The following SYT17 variants were observed in gnomAD, a reference collection of about 807,000 sequenced individuals.
SYT17 encodes synaptotagmin-17.
A neutral mutation model predicts 46.7 loss-of-function variants in SYT17; 22 were observed. The ratio of observed to expected loss-of-function variants is 0.47; its 90% confidence interval spans 0.34 to 0.67. The LOEUF is 0.67. Ranked by LOEUF, SYT17 falls within the 30% of genes least tolerant of loss-of-function variation. The pLI, the probability that SYT17 is intolerant of heterozygous loss-of-function variation, is 0.01. For missense variants in SYT17, 519 were observed against 612.8 expected (o/e 0.85, Z 1.62); for synonymous variants, 251 against 248.4 (o/e 1.01, Z -0.10).
chr16:19,241,247 C>T (rs1268605703), intron 7 of SYT17, among the ~76,000 whole-genome samples: 1 of 152,006 alleles, frequency 6.6e-6, no homozygotes, highest in Non-Finnish European at 1.5e-5. Flanking sequence ...GCGCCCGGCC[C>T]CCTAGGCTCA....
intron 7 of SYT17, among the ~76,000 whole-genome samples, chr16:19,241,141 G>T (rs1220363322): frequency 1.3e-5 from 2 of 151,566 alleles, no homozygotes; most frequent in African/African-American, 4.9e-5. Flanking sequence ...TAGAGACGGG[G>T]TTTCACCGTT....
intron 5 of SYT17, among the ~76,000 whole-genome samples, chr16:19,190,691 A>G (rs1031018605): frequency 3.1e-4 from 47 of 152,136 alleles, no homozygotes; most frequent in Admixed American, 5.2e-4. Flanking sequence ...CACTCAGGAT[A>G]ATGTCTTCAA....
At chr16:19,172,519 A>G (rs1294267492) in intron 1 of SYT17, 12 of 1,493,912 alleles carry the variant, frequency 8.0e-6, no homozygotes, top group Non-Finnish European at 1.1e-5. Flanking sequence ...AAAGTTTCCC[A>G]TTTATTTGGT....
chr16:19,168,538 G>T lies in SYT17; in HGVS notation c.-109G>T, dbSNP rs1963953490. On this transcript the variant is annotated 5_prime_UTR_variant, in exon 1 of 8. Transcript: ENST00000355377. This position sits in a 1 kb window ranked among gnomAD's most constrained non-coding sequence, Gnocchi z 6.9. ...CCAGTCACGTCTGGGGCCACCGGCTGCCTTTTTCTTCCTTTCCCCCTTTGC... is the reference window on the plus strand; with the variant it reads ...CCAGTCACGTCTGGGGCCACCGGCTTCCTTTTTCTTCCTTTCCCCCTTTGC... The T allele has an allele frequency of 6.1e-6, 9 of 1,484,842 alleles. No individual in the cohort carries two copies. Among genetic ancestry groups the T allele is most frequent in the Non-Finnish European group, 8.2e-6 (9 of 1,094,796 alleles). The allele number at this position is 1,484,842 out of a possible 1,614,324, so 92.0% of individuals were successfully genotyped here.
Position 19,180,590 on chromosome 16 carries a change from C to A in SYT17, c.331+51C>A, listed in dbSNP as rs759584299. 3.1e-6 allele frequency: 5 copies of A among 1,607,642 alleles called. No homozygotes were observed. In the South Asian group the frequency reaches 5.5e-5, roughly 18 times the overall value. ...GGGGGCCCTGGCTGGCTTTCCCAGA[C>A]ACTCTCCCACGGAGAGTCATGAAGG... On this transcript the variant is annotated intron_variant, in intron 4 of 7. Coordinates refer to ENST00000355377, the MANE Select transcript of SYT17 (RefSeq NM_016524.4).
At chr16:19,174,234 C>G (rs554364840) in intron 3 of SYT17, among the ~76,000 whole-genome samples, 6 of 152,204 alleles carry the variant, frequency 3.9e-5, no homozygotes, top group Non-Finnish European at 8.8e-5. Flanking sequence ...ATCTGCCAGT[C>G]GCTCAGATAT....
Position 19,261,386 on chromosome 16 carries a change from A to G in SYT17, c.1229-5494A>G, listed in dbSNP as rs568525255. Among the ~76,000 whole-genome samples the G allele has an allele frequency of 4.6e-5, 7 of 152,348 alleles. No homozygotes were observed. The South Asian group carries it at 1.4e-3, about 32-fold the overall frequency. On this transcript the variant is annotated intron_variant, in intron 7 of 7. Transcript: ENST00000355377. ...ATGGCCATGGCAGGAACTGCCTCCCATCAGAAAGGCTGAATCACTCAAGCG... is the reference window on the plus strand; with the variant it reads ...ATGGCCATGGCAGGAACTGCCTCCCGTCAGAAAGGCTGAATCACTCAAGCG...
At chr16:19,172,450 C>T in intron 1 of SYT17, 5 of 1,444,180 alleles carry the variant, frequency 3.5e-6, no homozygotes, top group Non-Finnish European at 4.5e-6. Context: ...GATAGCATGA[C>T]TATCTATCCG....
At chr16:19,172,244 G>T in intron 1 of SYT17, 1 of 894,546 alleles carries the variant, frequency 1.1e-6, no homozygotes, top group Non-Finnish European at 1.4e-6. Flanking sequence ...CCCTCTATTT[G>T]TGGGTGGTGA....
chr16:19,223,121 T>C lies in SYT17; in HGVS notation c.1028T>C (p.Ile343Thr), dbSNP rs758001613. ...GCTGGCAGACTGAATGTTGATGTCA[T>C]TCGAGCCAAGCAACTTCTTCAGACA... ...PSAGRLNVDV[I>T]RAKQLLQTDV... The change falls in exon 6 of 8, where the codon ATT (isoleucine) becomes ACT (threonine). Residue 343 changes from isoleucine (I) to threonine (T), a missense_variant. Transcript: ENST00000355377. 3 of 1,613,998 alleles carry C rather than the reference T, an allele frequency of 1.9e-6. No individual in the cohort carries two copies. The highest frequency in any genetic ancestry group is 2.5e-6 in the Non-Finnish European group (3 of 1,179,902).
intron 5 of SYT17, 115 bp from the exon 6 acceptor site, chr16:19,222,930 A>G (rs1966375580): frequency 7.1e-7 from 1 of 1,402,672 alleles, no homozygotes; most frequent in African/African-American, 1.4e-5. Flanking sequence ...TCCCACTGTC[A>G]ACTGATGCGC....
chr16:19,178,929 A>G (rs1270643629), intron 3 of SYT17, among the ~76,000 whole-genome samples: 2 of 151,972 alleles, frequency 1.3e-5, no homozygotes, highest in Non-Finnish European at 1.5e-5. Context: ...GCATGGAGGC[A>G]TGCATCTATA....
At chr16:19,240,165 T>C (rs1046935578) in intron 7 of SYT17, among the ~76,000 whole-genome samples, 1 of 152,158 alleles carries the variant, frequency 6.6e-6, no homozygotes, top group Non-Finnish European at 1.5e-5. Flanking sequence ...TTGCCTGTAG[T>C]GTGGCAAACA....
At chr16:19,231,416 C>T (rs1966677646) in intron 7 of SYT17, among the ~76,000 whole-genome samples, 1 of 134,108 alleles carries the variant, frequency 7.5e-6, no homozygotes, top group Non-Finnish European at 1.5e-5. Context: ...ACTAAAAATA[C>T]AAAAATTAGC....
chr16:19,195,601 A>G (rs1255574024), intron 5 of SYT17, among the ~76,000 whole-genome samples: 2 of 152,000 alleles, frequency 1.3e-5, no homozygotes, highest in African/African-American at 2.4e-5. Flanking sequence ...CTCTAATCCT[A>G]CCTAGCTACT....
chr16:19,210,241 T>C (rs1965844841), intron 5 of SYT17, among the ~76,000 whole-genome samples: 1 of 152,102 alleles, frequency 6.6e-6, no homozygotes, highest in African/African-American at 2.4e-5. Context: ...CATTTATTAT[T>C]ATTATTTTTT....
chr16:19,184,341 C>T (rs760346338), intron 5 of SYT17, among the ~76,000 whole-genome samples, 194 bp downstream of exon 5: 7 of 151,868 alleles, frequency 4.6e-5, no homozygotes, highest in Non-Finnish European at 5.9e-5. Flanking sequence ...TAGCATCTTA[C>T]GCAACCAGGA....
chr16:19,187,638 A>G (rs1181797768), intron 5 of SYT17, among the ~76,000 whole-genome samples: 1 of 152,200 alleles, frequency 6.6e-6, no homozygotes, highest in Non-Finnish European at 1.5e-5. Context: ...TGAGGGAAGA[A>G]TATGCTCCTA....
At chr16:19,215,040 G>T (rs953883916) in intron 5 of SYT17, among the ~76,000 whole-genome samples, 1 of 152,000 alleles carries the variant, frequency 6.6e-6, no homozygotes. Flanking sequence ...TGCCTGCCTC[G>T]GCCTCCCAAA....
Sources: gnomAD v4.1 joint callset for allele counts (sites outside exome capture counted in the v4.1 genomes callset) on GRCh38, gnomAD v4.1.1 for gene constraint, Gnocchi (gnomAD v3.1) non-coding constraint, MANE v1.5 for transcripts, NCBI Gene and HGNC (gene_info 2026-07-23, HGNC 2026-07-21) for gene names.